The following FAIM2 variants were observed in gnomAD, a reference collection of about 807,000 sequenced individuals.
FAIM2 encodes Fas apoptotic inhibitory molecule 2.
Under a neutral mutation model 47.4 loss-of-function variants are expected in FAIM2, and 27 were observed. The observed-to-expected ratio is 0.57, with a 90% CI of 0.42 to 0.78. The LOEUF (loss-of-function observed/expected upper bound fraction) is 0.78, where lower values mean the gene tolerates loss of function less well. Ranked by LOEUF, FAIM2 falls within the 30% of genes least tolerant of loss-of-function variation. The pLI, the probability that FAIM2 is intolerant of heterozygous loss-of-function variation, is 0.00. For missense variants in FAIM2, 311 were observed against 389.4 expected, an observed-to-expected ratio of 0.80 and a Z score of 1.69; for synonymous variants, 156 against 159.3, an observed-to-expected ratio of 0.98 and a Z score of 0.16.
intron 7 of FAIM2, among the ~76,000 whole-genome samples, chr12:49,890,410 T>A (rs1341840300): frequency 2.6e-5 from 4 of 152,162 alleles, no homozygotes; most frequent in Non-Finnish European, 4.4e-5. Context: ...CCACTCTTCT[T>A]CATTACCATA....
intron 1 of FAIM2, among the ~76,000 whole-genome samples, chr12:49,903,387 G>C (rs1182931326): frequency 1.3e-5 from 2 of 152,368 alleles, no homozygotes; most frequent in East Asian, 3.9e-4. Flanking sequence ...GGACTGGAGG[G>C]TTGGGCCAGA....
At chr12:49,880,168 A>ATG (rs1491512937) in intron 11 of FAIM2, among the ~76,000 whole-genome samples, 10 of 21,334 alleles carry the variant, frequency 4.7e-4, no homozygotes, top group Admixed American at 3.5e-3. Flanking sequence ...GCATGTGTGT[A>ATG]TGTGTGTGTA....
chr12:49,886,624 G>A (rs1366485490), intron 11 of FAIM2, among the ~76,000 whole-genome samples: 1 of 151,976 alleles, frequency 6.6e-6, no homozygotes, highest in Non-Finnish European at 1.5e-5. Context: ...ACAGGCGCCC[G>A]CCACCACACC....
chr12:49,885,276 G>C (rs548469151), intron 11 of FAIM2, among the ~76,000 whole-genome samples: 357 of 152,284 alleles, frequency 2.3e-3, no homozygotes, highest in Non-Finnish European at 4.2e-3. Context: ...CCTGATCCAC[G>C]GGAAGCCAAG....
At chr12:49,887,570 G>T in intron 10 of FAIM2, 131 bp from the exon 11 acceptor site, 2 of 758,824 alleles carry the variant, frequency 2.6e-6, no homozygotes, top group Non-Finnish European at 4.5e-6. Flanking sequence ...GGAGCCCCAG[G>T]ACTGACAGTG....
chr12:49,897,219 G>A (rs757484443), intron 4 of FAIM2, 135 bp from the exon 5 acceptor site: 13 of 785,602 alleles, frequency 1.7e-5, no homozygotes, highest in South Asian at 4.6e-5. Flanking sequence ...CTGGAGGCTC[G>A]GGGAGTCCCA....
intron 11 of FAIM2, among the ~76,000 whole-genome samples, chr12:49,875,634 G>C (rs1946731096): frequency 6.6e-6 from 1 of 152,166 alleles, no homozygotes; most frequent in Non-Finnish European, 1.5e-5. Context: ...GGATGAAAGG[G>C]GGGTAGTGTA....
At position 49,870,226 on chromosome 12, in the gene FAIM2, C is replaced by T; in HGVS notation, c.*278G>A. 5.8e-6 allele frequency: 2 copies of T among 343,894 alleles called. No homozygotes were observed. Among genetic ancestry groups the T allele is most frequent in the South Asian group, 8.8e-5 (2 of 22,688 alleles). The allele number at this position is 343,894 out of a possible 1,614,324, so 21.3% of individuals were successfully genotyped here. A position where few individuals can be genotyped will look rare whatever the true frequency, so the allele number is the denominator to read the frequency against. On this transcript the variant is annotated 3_prime_UTR_variant, in exon 12 of 12. Transcript: ENST00000320634. ...AGGCTTCTCCTCCTTGTCCCTTGGA[C>T]CCTCAAACCCAGAGGAGCCTTCAGC...
chr12:49,889,391 C>T, intron 9 of FAIM2, 90 bp downstream of exon 9: 3 of 1,252,894 alleles, frequency 2.4e-6, no homozygotes, highest in Non-Finnish European at 2.3e-6. Flanking sequence ...CTCCCCAGCC[C>T]CAGGTCCGAG....
intron 11 of FAIM2, among the ~76,000 whole-genome samples, chr12:49,878,450 G>A (rs1338278246): frequency 8.1e-6 from 1 of 124,022 alleles, no homozygotes; most frequent in Admixed American, 9.6e-5. Context: ...GTGTCTGAGT[G>A]AATGTGTATG....
At chr12:49,899,853 A>G (rs2137108324) in intron 2 of FAIM2, among the ~76,000 whole-genome samples, 1 of 152,372 alleles carries the variant, frequency 6.6e-6, no homozygotes. Flanking sequence ...GTGCCCTGGC[A>G]CACACTTAGT....
intron 2 of FAIM2, chr12:49,900,110 C>T (rs562909104): frequency 3.4e-6 from 3 of 895,012 alleles, no homozygotes; most frequent in East Asian, 1.3e-4. Flanking sequence ...GAAAGTGGGC[C>T]GGCGGGTGTG....
intron 10 of FAIM2, among the ~76,000 whole-genome samples, chr12:49,888,860 G>T (rs1006139180): frequency 3.9e-5 from 6 of 152,218 alleles, no homozygotes; most frequent in African/African-American, 1.4e-4. Context: ...CACAGAGGAG[G>T]ACGGGAAAAG....
chr12:49,888,282 C>T (rs1946875317), intron 10 of FAIM2, among the ~76,000 whole-genome samples: 1 of 152,208 alleles, frequency 6.6e-6, no homozygotes, highest in Non-Finnish European at 1.5e-5. Context: ...CCAATCCTGA[C>T]GTCCTGGACT....
Position 49,899,475 on chromosome 12 carries a change from A to G in FAIM2, c.212-1385T>C, listed in dbSNP as rs150462229. On this transcript the variant is annotated intron_variant, in intron 2 of 11. Transcript: ENST00000320634. ...GCGGCCTCCCTGCGCAGCACCCTCC[A>G]GCCCCGCTATACATTCCTCCCCCGA... Among the ~76,000 whole-genome samples, 345 of 152,274 alleles carry G rather than the reference A, an allele frequency of 2.3e-3. 4 individuals carry two copies. The highest frequency in any genetic ancestry group is 9.1e-3 in the East Asian group (47 of 5,188).
rs1450546355 is a variant in FAIM2 at position 49,870,027 on chromosome 12, C to G, written c.*477G>C. 2 of 154,222 alleles carry G rather than the reference C, an allele frequency of 1.3e-5. No individual in the cohort carries two copies. Among genetic ancestry groups the G allele is most frequent in the African/African-American group, 4.8e-5 (2 of 41,490 alleles). The allele number at this position is 154,222 out of a possible 1,614,324, so 9.6% of individuals were successfully genotyped here. On this transcript the variant is annotated 3_prime_UTR_variant, in exon 12 of 12. Transcript: ENST00000320634. ...CCTGCCCAGCTGTGTCCCCTACCCC[C>G]TTTCTTACAAAGTGTCAATGCCTGA...
At chr12:49,882,247 C>T (rs946534542) in intron 11 of FAIM2, among the ~76,000 whole-genome samples, 2 of 152,244 alleles carry the variant, frequency 1.3e-5, no homozygotes, top group South Asian at 4.1e-4. Context: ...GATGGGCAGA[C>T]GAGAGACCAG....
chr12:49,880,111 T>G (rs1403362699), intron 11 of FAIM2, among the ~76,000 whole-genome samples: 1 of 151,992 alleles, frequency 6.6e-6, no homozygotes, highest in Non-Finnish European at 1.5e-5. Flanking sequence ...TGTGCGTCTG[T>G]GTATGTGTGT....
intron 9 of FAIM2, 90 bp from the exon 10 acceptor site, chr12:49,889,292 C>T (rs1281961872): frequency 2.7e-6 from 3 of 1,103,874 alleles, no homozygotes; most frequent in Admixed American, 3.9e-5. Flanking sequence ...AGGCCACAGT[C>T]TTGTGCTTAC....
Sources: allele counts gnomAD v4.1 joint callset (sites outside exome capture counted in the v4.1 genomes callset), GRCh38; gene constraint gnomAD v4.1.1; transcripts MANE v1.5; gene names NCBI Gene and HGNC (gene_info 2026-07-23, HGNC 2026-07-21).